CREBRF: variants seen among roughly 807,000 people sequenced by gnomAD.
The protein encoded by CREBRF is CREB3 regulatory factor, also known as UPF0474 protein C5orf41.
Under a neutral mutation model 66.1 loss-of-function variants are expected in CREBRF, and 5 were observed. The observed-to-expected ratio is 0.08, with a 90% CI of 0.04 to 0.16. The LOEUF is 0.16. CREBRF is among the 10% of genes least tolerant of loss of function. The pLI, the probability that CREBRF is intolerant of heterozygous loss-of-function variation, is 1.00. For missense variants in CREBRF, 531 were observed against 744.9 expected (o/e 0.71, Z 3.34); for synonymous variants, 229 against 264.4 (o/e 0.87, Z 1.30).
chr5:173,139,056 C>G lies in CREBRF; in HGVS notation c.*5311C>G, dbSNP rs1759652910. ...CACTTTTTATTGGATTCAGTCTTGTCTCTTGTCTAGAAAGAACTTTATCTT... is the reference window on the plus strand; with the variant it reads ...CACTTTTTATTGGATTCAGTCTTGTGTCTTGTCTAGAAAGAACTTTATCTT... On this transcript the variant is annotated 3_prime_UTR_variant, in exon 9 of 9. Transcript: ENST00000296953. 1 of 151,254 alleles carries G rather than the reference C, an allele frequency of 6.6e-6. No homozygotes were observed. The highest frequency in any genetic ancestry group is 6.6e-5 in the Admixed American group (1 of 15,196). The allele number at this position is 151,254 out of a possible 1,614,324, so 9.4% of individuals were successfully genotyped here. A position where few individuals can be genotyped will look rare whatever the true frequency, so the allele number is the denominator to read the frequency against.
Position 173,134,406 on chromosome 5 carries a change from G to GA in CREBRF, c.*667dup, listed in dbSNP as rs1245324603. 1 of 331,260 alleles carries GA rather than the reference G, an allele frequency of 3.0e-6. No individual in the cohort carries two copies. Among genetic ancestry groups the GA allele is most frequent in the Non-Finnish European group, 6.0e-6 (1 of 166,186 alleles). 20.5% of individuals were successfully genotyped at this position (331,260 alleles called of 1,614,324 possible). ...TTTTGTATGATGAAAACCCTAATGA[G>GA]AAAAAACAAGATATATAGATGGAAA... On this transcript the variant is annotated 3_prime_UTR_variant, in exon 9 of 9. Transcript: ENST00000296953.
rs1759545958 is a variant in CREBRF, at chr5:173,134,552, C to CA, written c.*813dup. 1 of 151,672 alleles carries CA rather than the reference C, an allele frequency of 6.6e-6. No individual in the cohort carries two copies. Among genetic ancestry groups the CA allele is most frequent in the South Asian group, 2.1e-4 (1 of 4,832 alleles). 9.4% of individuals were successfully genotyped at this position (151,672 alleles called of 1,614,324 possible). On this transcript the variant is annotated 3_prime_UTR_variant, in exon 9 of 9. Coordinates refer to ENST00000296953, the MANE Select transcript of CREBRF (RefSeq NM_153607.3). ...TCTGTGTATTGTATAAAAAACAAAA[C>CA]AAAAAACAACAAAAAAAAGATGGCT...
At chr5:173,084,325 A>G (rs1252699547) in intron 2 of CREBRF, among the ~76,000 whole-genome samples, 8 of 152,188 alleles carry the variant, frequency 5.3e-5, no homozygotes, top group Non-Finnish European at 1.0e-4. Context: ...AAAAACAACA[A>G]CAACAACAAC....
chr5:173,057,758 G>A (rs1477823529), intron 1 of CREBRF: 1 of 151,708 alleles, frequency 6.6e-6, no homozygotes, highest in East Asian at 1.9e-4. Flanking sequence ...GGGAAGTTTT[G>A]TAAAAGAAAA....
At chr5:173,117,596 T>TCCTTCCTTCCTTCCTTCCTC (rs1759027219) in intron 7 of CREBRF, among the ~76,000 whole-genome samples, 1 of 46,740 alleles carries the variant, frequency 2.1e-5, no homozygotes, top group Non-Finnish European at 4.8e-5. Flanking sequence ...CTTCCTTCCT[T>TCCTTCCTTCCTTCCTTCCTC]CCTTCCATCC....
At chr5:173,087,601 C>T (rs1282375745) in intron 3 of CREBRF, among the ~76,000 whole-genome samples, 6 of 150,546 alleles carry the variant, frequency 4.0e-5, no homozygotes, top group Non-Finnish European at 8.8e-5. Flanking sequence ...GAGGCTGAGG[C>T]AGGAGAATTG....
chr5:173,123,680 G>C (rs1231191344), intron 8 of CREBRF: 1 of 156,484 alleles, frequency 6.4e-6, no homozygotes, highest in Non-Finnish European at 1.4e-5. Context: ...GAGAGAGCTA[G>C]CTAGTATAGA....
chr5:173,100,344 C>T (rs1758597734), intron 4 of CREBRF, among the ~76,000 whole-genome samples: 2 of 151,444 alleles, frequency 1.3e-5, no homozygotes, highest in South Asian at 4.2e-4. Flanking sequence ...AAGTGTTTTG[C>T]ATACCACTGT....
At chr5:173,095,425 G>A (rs1358178611) in intron 4 of CREBRF, among the ~76,000 whole-genome samples, 12 of 151,920 alleles carry the variant, frequency 7.9e-5, no homozygotes, top group African/African-American at 2.9e-4. Flanking sequence ...TCCTGACCTC[G>A]TGATCTGCCA....
In CREBRF at chr5:173,063,910, C is replaced by CA. The variant is rs1291799498; in HGVS notation, c.-192+7432dup. Among the ~76,000 whole-genome samples the CA allele has an allele frequency of 2.7e-5, 4 of 145,780 alleles. No homozygotes were observed. In the East Asian group the frequency reaches 8.4e-4, roughly 30 times the overall value. ...CTAATTTTTATATTTTTAGTAGAGA[C>CA]AGAGTTTCACCATGTTGGCCAGGCT... On this transcript the variant is annotated intron_variant, in intron 1 of 8. Coordinates refer to ENST00000296953, the MANE Select transcript of CREBRF (RefSeq NM_153607.3).
chr5:173,063,023 A>G (rs1757325460), intron 1 of CREBRF, among the ~76,000 whole-genome samples: 1 of 152,128 alleles, frequency 6.6e-6, no homozygotes, highest in East Asian at 1.9e-4. Context: ...CTGGGATTAC[A>G]GGTGTGAGCC....
At chr5:173,062,833 T>C (rs793348) in intron 1 of CREBRF, among the ~76,000 whole-genome samples, 71,478 of 147,968 alleles carry the variant, frequency 0.48, 18,412 homozygotes, top group Non-Finnish European at 0.58. Flanking sequence ...CTGCAAGCTC[T>C]GCCTCCCGGG....
intron 1 of CREBRF, among the ~76,000 whole-genome samples, chr5:173,062,548 A>C (rs1757306224): frequency 6.6e-6 from 1 of 151,992 alleles, no homozygotes; most frequent in South Asian, 2.1e-4. Flanking sequence ...TTCCTTTGTT[A>C]ATTTGTTTTC....
intron 4 of CREBRF, among the ~76,000 whole-genome samples, chr5:173,099,371 G>C (rs1200611627): frequency 6.6e-6 from 1 of 152,086 alleles, no homozygotes; most frequent in African/African-American, 2.4e-5. Context: ...GCCTAGGCTG[G>C]TCTTGAACTT....
chr5:173,127,691 C>T (rs980785366), intron 8 of CREBRF, among the ~76,000 whole-genome samples: 7 of 152,100 alleles, frequency 4.6e-5, no homozygotes, highest in African/African-American at 9.7e-5. Context: ...AACTCCTAAC[C>T]TCGTGATCCA....
chr5:173,090,661 T>G lies in CREBRF; in HGVS notation c.482T>G (p.Phe161Cys). 1 of 1,614,200 alleles carries G rather than the reference T, an allele frequency of 6.2e-7. No homozygotes were observed. The highest frequency in any genetic ancestry group is 8.5e-7 in the Non-Finnish European group (1 of 1,180,038). ...TCCCTTTATTACCCCGATTCACTTT[T>G]CAGTGTCAAACAAAATCCCTTACCC... Reference protein sequence around the residue: ...SDSLYYPDSLFSVKQNPLPSS... With the variant: ...SDSLYYPDSLCSVKQNPLPSS... Residue 161 changes from phenylalanine (F) to cysteine (C), a missense_variant, in exon 4 of 9, where the codon TTC becomes TGC. Phe to Cys is a radical substitution (Grantham distance 205, BLOSUM62 -2). Transcript: ENST00000296953. The surrounding 1 kb of genome is among the most constrained non-coding windows in gnomAD (Gnocchi z 4.5).
intron 1 of CREBRF, among the ~76,000 whole-genome samples, chr5:173,058,261 T>C (rs535322934): frequency 2.0e-4 from 30 of 152,322 alleles, no homozygotes; most frequent in African/African-American, 7.0e-4. Flanking sequence ...GTTAAATGCT[T>C]AATTTAGGTT....
At chr5:173,061,177 A>T (rs1346825627) in intron 1 of CREBRF, among the ~76,000 whole-genome samples, 2 of 152,166 alleles carry the variant, frequency 1.3e-5, no homozygotes, top group African/African-American at 4.8e-5. Flanking sequence ...TGTGTTGGCC[A>T]GGCTGGTCTC....
chr5:173,075,852 C>T (rs1411687482), intron 1 of CREBRF, among the ~76,000 whole-genome samples: 6 of 151,956 alleles, frequency 3.9e-5, no homozygotes, highest in Non-Finnish European at 5.9e-5. Flanking sequence ...TTCCCTGCCT[C>T]CTTTCCTTTA....
Sources: gnomAD v4.1 joint callset for allele counts (sites outside exome capture counted in the v4.1 genomes callset) on GRCh38, gnomAD v4.1.1 for gene constraint, Gnocchi (gnomAD v3.1) non-coding constraint, MANE v1.5 for transcripts, NCBI Gene and HGNC (gene_info 2026-07-23, HGNC 2026-07-21) for gene names.